Variants in SPOCK3 observed in about 807,000 individuals in gnomAD.
SPOCK3 encodes the protein SPARC (osteonectin), cwcv and kazal like domains proteoglycan 3, also known as testican-3.
A neutral mutation model predicts 56.6 loss-of-function variants in SPOCK3; 30 were observed. That is an observed-to-expected ratio of 0.53 (90% CI 0.40 to 0.72). The LOEUF is 0.72. SPOCK3 is among the 30% of genes least tolerant of loss of function. The pLI is 0.00. For synonymous variants in SPOCK3, 196 were observed against 183.3 expected, an observed-to-expected ratio of 1.07 and a Z score of -0.56; for missense variants, 527 against 530.0, an observed-to-expected ratio of 0.99 and a Z score of 0.06.
At chr4:166,994,594 G>T (rs905426163) in intron 4 of SPOCK3, among the ~76,000 whole-genome samples, 1 of 152,142 alleles carries the variant, frequency 6.6e-6, no homozygotes. Flanking sequence ...TAACCAACAG[G>T]TTCCTGATTT....
intron 2 of SPOCK3, among the ~76,000 whole-genome samples, chr4:167,066,726 T>A (rs1756177837): frequency 6.6e-6 from 1 of 151,914 alleles, no homozygotes; most frequent in African/African-American, 2.4e-5. Context: ...TTATATTACT[T>A]ATCATATTTA....
At chr4:166,999,445 C>T (rs1177085199) in intron 4 of SPOCK3, among the ~76,000 whole-genome samples, 1 of 152,004 alleles carries the variant, frequency 6.6e-6, no homozygotes, top group Non-Finnish European at 1.5e-5. Context: ...TGTTATTATT[C>T]TTATTCTCTT....
At chr4:166,822,568 A>C (rs545389208) in intron 6 of SPOCK3, among the ~76,000 whole-genome samples, 1 of 152,090 alleles carries the variant, frequency 6.6e-6, no homozygotes, top group Non-Finnish European at 1.5e-5. Context: ...GAGAACTGGC[A>C]GCTAAGCTGA....
intron 7 of SPOCK3, among the ~76,000 whole-genome samples, chr4:166,767,265 T>C (rs1355958401): frequency 1.3e-5 from 2 of 152,240 alleles, no homozygotes; most frequent in African/African-American, 4.8e-5. Flanking sequence ...TCTCTAGTTC[T>C]TTTAATTGTG....
At chr4:166,932,163 TTTAAC>T (rs1459827068) in intron 4 of SPOCK3, among the ~76,000 whole-genome samples, 1 of 152,202 alleles carries the variant, frequency 6.6e-6, no homozygotes, top group Non-Finnish European at 1.5e-5. Context: ...CATTGCATTA[TTTAAC>T]TTAACAATGT....
Position 166,953,156 on chromosome 4 carries a change from A to C in SPOCK3, c.351-40413T>G, listed in dbSNP as rs943974277. Among the ~76,000 whole-genome samples the C allele has an allele frequency of 7.0e-4, 106 of 151,604 alleles. 1 individual carries two copies. The highest frequency in any genetic ancestry group is 1.3e-3 in the African/African-American group (54 of 41,290). The stretch of plus-strand genomic sequence containing the variant: ...ATCAGAGTGAACAGGCAACCTACAA[A>C]ATGGGAGAAAATTTTCGCAACCTAC... On this transcript the variant is annotated intron_variant, in intron 4 of 10. Coordinates refer to ENST00000357545, the MANE Select transcript of SPOCK3 (RefSeq NM_001040159.2).
intron 2 of SPOCK3, among the ~76,000 whole-genome samples, chr4:167,195,930 C>T (rs970546690): frequency 2.0e-4 from 30 of 152,164 alleles, no homozygotes; most frequent in African/African-American, 7.2e-4. Flanking sequence ...GGGGGAAATA[C>T]CCAGTGGGGA....
intron 3 of SPOCK3, among the ~76,000 whole-genome samples, chr4:167,045,329 T>C (rs1431727895): frequency 6.6e-6 from 1 of 152,126 alleles, no homozygotes. Context: ...GTTCTTGTAT[T>C]TGACCCACTA....
intron 8 of SPOCK3, among the ~76,000 whole-genome samples, chr4:166,747,003 AC>A (rs2126442078): frequency 6.6e-6 from 1 of 152,284 alleles, no homozygotes; most frequent in East Asian, 1.9e-4. Flanking sequence ...GAGCCTACCA[AC>A]CAAAAAAAGT....
chr4:167,161,162 T>G (rs534391004), intron 2 of SPOCK3, among the ~76,000 whole-genome samples: 1 of 152,046 alleles, frequency 6.6e-6, no homozygotes, highest in Non-Finnish European at 1.5e-5. Context: ...AGGGCTAATA[T>G]CCCGAATCTA....
rs1034826912 is a variant in SPOCK3, at chr4:167,212,284, C to A, written c.189+21701G>T. 3.3e-5 allele frequency among the ~76,000 whole-genome samples: 5 copies of A among 152,022 alleles called. No homozygotes were observed. The East Asian group carries it at 9.7e-4, about 29-fold the overall frequency. Reference sequence around the variant, plus strand: ...CAGAGTTTCTTTCACTCTTGTTGCCCAGGCTGGAGTACAATGGTGTGATCT... The same window carrying A: ...CAGAGTTTCTTTCACTCTTGTTGCCAAGGCTGGAGTACAATGGTGTGATCT... On this transcript the variant is annotated intron_variant, in intron 2 of 10. Coordinates refer to ENST00000357545, the MANE Select transcript of SPOCK3 (RefSeq NM_001040159.2).
intron 4 of SPOCK3, among the ~76,000 whole-genome samples, chr4:166,993,327 A>G: frequency 6.6e-6 from 1 of 152,160 alleles, no homozygotes; most frequent in East Asian, 1.9e-4. Context: ...GTGCCTATGA[A>G]TCCTTCTCGT....
At chr4:166,951,816 A>G (rs1324938891) in intron 4 of SPOCK3, among the ~76,000 whole-genome samples, 2 of 151,874 alleles carry the variant, frequency 1.3e-5, no homozygotes, top group South Asian at 2.1e-4. Flanking sequence ...ATATAAACAG[A>G]ACCAAAGACA....
At chr4:167,100,372 A>G (rs1338171099) in intron 2 of SPOCK3, among the ~76,000 whole-genome samples, 3 of 150,402 alleles carry the variant, frequency 2.0e-5, no homozygotes, top group Non-Finnish European at 4.5e-5. Context: ...TCCTGAAGGT[A>G]TCTCTTCCAC....
At chr4:166,953,439 G>A (rs1429503936) in intron 4 of SPOCK3, among the ~76,000 whole-genome samples, 8 of 151,074 alleles carry the variant, frequency 5.3e-5, no homozygotes, top group African/African-American at 9.7e-5. Context: ...GAAACAACAG[G>A]TGCTGGAGAG....
At chr4:167,067,129 G>A (rs1208742615) in intron 2 of SPOCK3, among the ~76,000 whole-genome samples, 1 of 151,716 alleles carries the variant, frequency 6.6e-6, no homozygotes, top group Non-Finnish European at 1.5e-5. Flanking sequence ...AATGCCTACC[G>A]ATGAACATAA....
chr4:167,205,430 A>ATATTTT, intron 2 of SPOCK3, among the ~76,000 whole-genome samples: 1 of 49,024 alleles, frequency 2.0e-5, no homozygotes, highest in African/African-American at 8.5e-5. Flanking sequence ...TATAATATAT[A>ATATTTT]ATATATAATA....
At chr4:167,207,348 TAGAA>T (rs1181971542) in intron 2 of SPOCK3, among the ~76,000 whole-genome samples, 1 of 151,998 alleles carries the variant, frequency 6.6e-6, no homozygotes, top group East Asian at 1.9e-4. Flanking sequence ...ATTATGACTT[TAGAA>T]AGATTTATTT....
intron 2 of SPOCK3, chr4:167,119,680 A>T (rs1761709533): frequency 1.4e-6 from 1 of 705,284 alleles, no homozygotes; most frequent in African/African-American, 1.8e-5. Context: ...TTTGATGCAT[A>T]TCAGAAAAAC....
Sources: allele counts gnomAD v4.1 joint callset (sites outside exome capture counted in the v4.1 genomes callset), GRCh38; gene constraint gnomAD v4.1.1; transcripts MANE v1.5; gene names NCBI Gene and HGNC (gene_info 2026-07-23, HGNC 2026-07-21).